Variants in CLECL1 observed in about 807,000 individuals in gnomAD.
The protein encoded by CLECL1 is C-type lectin like 1, also known as C-type lectin-like domain family 1.
chr12:9,733,388 C>T (rs1428587611), upstream of CLECL1: 3 of 614,938 alleles, frequency 4.9e-6, no homozygotes, highest in Non-Finnish European at 8.3e-6. Flanking sequence ...TTAGTTCAGG[C>T]ATATATTCTC....
exon 4 of CLECL1, chr12:9,722,650 A>G: frequency 6.2e-7 from 1 of 1,613,306 alleles, no homozygotes; most frequent in Non-Finnish European, 8.5e-7. Context: ...TCACCATAGC[A>G]GTAATGTCTT....
At chr12:9,733,698 C>A (rs1304385162), upstream of CLECL1, among the ~76,000 whole-genome samples, 1 of 151,850 alleles carries the variant, frequency 6.6e-6, no homozygotes, top group Non-Finnish European at 1.5e-5. Flanking sequence ...TAAAATAATT[C>A]AAGGTAATGA....
the CLECL1 span, among the ~76,000 whole-genome samples, chr12:9,706,845 A>G: frequency 1.3e-5 from 2 of 152,196 alleles, no homozygotes; most frequent in African/African-American, 4.8e-5. Flanking sequence ...AGGTTTTGGT[A>G]TCAGGATGGT....
upstream of CLECL1, chr12:9,733,160 G>A (rs755624366): frequency 1.3e-5 from 21 of 1,613,778 alleles, no homozygotes; most frequent in Non-Finnish European, 1.2e-5. Flanking sequence ...AGTGGGTGGT[G>A]GACTTCCTCC....
chr12:9,727,077 T>C (rs756679499), intron 3 of CLECL1, among the ~76,000 whole-genome samples: 6 of 151,676 alleles, frequency 4.0e-5, no homozygotes, highest in African/African-American at 1.4e-4. Context: ...AATTAAAAAA[T>C]TAAAATCAAA....
intron 2 of CLECL1, among the ~76,000 whole-genome samples, chr12:9,729,026 A>G (rs1436427333): frequency 1.3e-5 from 2 of 152,038 alleles, no homozygotes; most frequent in East Asian, 1.9e-4. Flanking sequence ...TCTGTTCTAC[A>G]GATATTTGTA....
chr12:9,704,593 G>A, the CLECL1 span, among the ~76,000 whole-genome samples: 1 of 151,980 alleles, frequency 6.6e-6, no homozygotes, highest in African/African-American at 2.4e-5. Context: ...CCCCGTTTTT[G>A]TTATTTCCCT....
the CLECL1 span, among the ~76,000 whole-genome samples, chr12:9,706,104 G>A: frequency 7.2e-5 from 11 of 152,086 alleles, no homozygotes; most frequent in Non-Finnish European, 1.5e-4. Context: ...CTTGTTAGCT[G>A]TATTCCTAGG....
downstream of CLECL1, among the ~76,000 whole-genome samples, chr12:9,720,573 C>A (rs1486545495): frequency 2.6e-5 from 4 of 152,132 alleles, no homozygotes; most frequent in Admixed American, 2.6e-4. Flanking sequence ...AACTCCCGAC[C>A]TCAGGTCATC....
the CLECL1 span, chr12:9,704,273 C>T: frequency 6.6e-6 from 1 of 152,108 alleles, no homozygotes; most frequent in Non-Finnish European, 1.5e-5. Flanking sequence ...ATAATTATGA[C>T]ACTTTCTTCA....
downstream of CLECL1, among the ~76,000 whole-genome samples, chr12:9,719,380 G>T (rs1866280692): frequency 6.6e-6 from 1 of 152,160 alleles, no homozygotes; most frequent in Non-Finnish European, 1.5e-5. Context: ...CAAAAAATTA[G>T]CTGGGCGTGG....
chr12:9,717,006 G>A (rs996030262), intron 2 of CLECL1, among the ~76,000 whole-genome samples: 3 of 152,170 alleles, frequency 2.0e-5, no homozygotes, highest in Non-Finnish European at 4.4e-5. Context: ...TGAACCATTA[G>A]CAGCATGAAC....
downstream of CLECL1, among the ~76,000 whole-genome samples, chr12:9,712,103 C>T (rs1045793132): frequency 6.6e-6 from 1 of 152,120 alleles, no homozygotes; most frequent in African/African-American, 2.4e-5. Flanking sequence ...CATAGCAAGA[C>T]CCTATAGCTT....
the CLECL1 span, among the ~76,000 whole-genome samples, chr12:9,705,914 A>T: frequency 2.0e-5 from 3 of 151,732 alleles, no homozygotes. Flanking sequence ...TTTATTCCAT[A>T]TAAATTTTAA....
At chr12:9,705,131 T>C in the CLECL1 span, among the ~76,000 whole-genome samples, 1 of 152,232 alleles carries the variant, frequency 6.6e-6, no homozygotes. Flanking sequence ...TGTCTCATTG[T>C]GGTTTTGATC....
downstream of CLECL1, among the ~76,000 whole-genome samples, chr12:9,713,663 T>C (rs193080100): frequency 2.6e-5 from 4 of 152,366 alleles, no homozygotes; most frequent in African/African-American, 9.6e-5. Context: ...TTGCTACTTA[T>C]GTCTTTTTGT....
downstream of CLECL1, among the ~76,000 whole-genome samples, chr12:9,721,546 G>C (rs760281534): frequency 6.6e-6 from 1 of 152,114 alleles, no homozygotes; most frequent in Non-Finnish European, 1.5e-5. Context: ...CCTAAATCTG[G>C]TTTACTGTTT....
chr12:9,729,119 A>C (rs956149286), intron 2 of CLECL1, among the ~76,000 whole-genome samples: 14 of 152,126 alleles, frequency 9.2e-5, no homozygotes, highest in Non-Finnish European at 1.6e-4. Context: ...GGCTATGTCC[A>C]AAGTACATTA....
upstream of CLECL1, chr12:9,733,066 A>G (rs1202089192): frequency 6.2e-7 from 1 of 1,613,988 alleles, no homozygotes; most frequent in South Asian, 1.1e-5. Context: ...ACCACAAATG[A>G]TGTCCCACTG....
Sources: gnomAD v4.1 joint callset for allele counts (sites outside exome capture counted in the v4.1 genomes callset) on GRCh38, gnomAD v4.1.1 for gene constraint, MANE v1.5 for transcripts, NCBI Gene and HGNC (gene_info 2026-07-23, HGNC 2026-07-21) for gene names.